The following ITPR1 variants were observed in gnomAD, a reference collection of about 807,000 sequenced individuals.
ITPR1 encodes inositol 1,4,5-trisphosphate-gated calcium channel ITPR1.
A neutral mutation model predicts 318.4 loss-of-function variants in ITPR1; 96 were observed. That is an observed-to-expected ratio of 0.30 (90% CI 0.26 to 0.36). ITPR1 has a LOEUF of 0.36. ITPR1 is among the 10% of genes least tolerant of loss of function. The pLI, the probability that ITPR1 is intolerant of heterozygous loss-of-function variation, is 1.00. For synonymous variants in ITPR1, 1,312 were observed against 1,289.9 expected, an observed-to-expected ratio of 1.02 and a Z score of -0.37; for missense variants, 2,440 against 3,460.2, an observed-to-expected ratio of 0.71 and a Z score of 7.40.
Position 4,669,658 on chromosome 3 carries a change from T to G in ITPR1, c.1891T>G (p.Leu631Val). 1 of 1,611,718 alleles carries G rather than the reference T, an allele frequency of 6.2e-7. No individual in the cohort carries two copies. Among genetic ancestry groups the G allele is most frequent in the Non-Finnish European group, 8.5e-7 (1 of 1,178,498 alleles). Residue 631 changes from leucine to valine, a missense_variant, in exon 19 of 62, where the codon TTA becomes GTA. By Grantham distance (32) the Leu-to-Val change is conservative (BLOSUM62 1). This residue lies in a region of ITPR1 where 478 missense variants were observed against 696.3 expected (regional missense o/e 0.69). Transcript: ENST00000649015. ...TTTGTTTCTGTTTCTGTTTAGATTC[T>G]TAGATTACCTCTCCGACCTCTGTGT... ...LVRKNREPRF[L>V]DYLSDLCVSM...
intron 60 of ITPR1, among the ~76,000 whole-genome samples, chr3:4,828,880 C>T (rs1170211427): frequency 6.6e-6 from 1 of 152,058 alleles, no homozygotes; most frequent in Admixed American, 6.5e-5. Flanking sequence ...TGATTTATGC[C>T]GTTTGGATAC....
At chr3:4,612,058 A>C (rs2092153961) in intron 4 of ITPR1, among the ~76,000 whole-genome samples, 1 of 123,734 alleles carries the variant, frequency 8.1e-6, no homozygotes, top group Non-Finnish European at 1.6e-5. Flanking sequence ...CAAGTGTATC[A>C]GGCCCTTTTT....
intron 2 of ITPR1, among the ~76,000 whole-genome samples, chr3:4,498,899 A>G (rs1231836668): frequency 1.3e-5 from 2 of 152,262 alleles, no homozygotes; most frequent in East Asian, 1.9e-4. Context: ...AGCATCCTTG[A>G]GGAATTAGAA....
chr3:4,663,681 A>C (rs1017469540), intron 16 of ITPR1, among the ~76,000 whole-genome samples: 1 of 152,208 alleles, frequency 6.6e-6, no homozygotes, highest in Non-Finnish European at 1.5e-5. Flanking sequence ...CATAGTTTAC[A>C]TTAGGGTTCT....
intron 10 of ITPR1, among the ~76,000 whole-genome samples, chr3:4,646,676 T>C (rs1191384018): frequency 2.0e-5 from 3 of 152,126 alleles, no homozygotes; most frequent in Non-Finnish European, 4.4e-5. Context: ...GCATGTAATT[T>C]GTTGTAAGGA....
chr3:4,829,656 G>A (rs1419471496), intron 60 of ITPR1, among the ~76,000 whole-genome samples: 1 of 152,040 alleles, frequency 6.6e-6, no homozygotes, highest in African/African-American at 2.4e-5. Context: ...TTGTATTATT[G>A]TGGCCTGTTT....
chr3:4,534,179 T>C (rs1377989745), intron 4 of ITPR1, among the ~76,000 whole-genome samples: 3 of 152,210 alleles, frequency 2.0e-5, no homozygotes, highest in South Asian at 2.1e-4. Context: ...TATTGTGTAG[T>C]GGTGAACTTT....
intron 32 of ITPR1, among the ~76,000 whole-genome samples, chr3:4,692,587 C>T (rs1203336392): frequency 1.3e-5 from 2 of 152,166 alleles, no homozygotes; most frequent in African/African-American, 4.8e-5. Context: ...TTTATTTTGA[C>T]TTCTGTGCCA....
At chr3:4,833,375 A>G (rs1050607282) in intron 60 of ITPR1, among the ~76,000 whole-genome samples, 1 of 152,226 alleles carries the variant, frequency 6.6e-6, no homozygotes, top group Non-Finnish European at 1.5e-5. Flanking sequence ...GGCCTCATTA[A>G]TGTGGACTCT....
chr3:4,563,078 G>A (rs899866434), intron 4 of ITPR1, among the ~76,000 whole-genome samples: 34 of 152,158 alleles, frequency 2.2e-4, no homozygotes, highest in Non-Finnish European at 4.7e-4. Context: ...GACACAGTAT[G>A]CTAGCATCAG....
At position 4,733,210 on chromosome 3, in the gene ITPR1, C is replaced by G. The variant is rs1255833218; in HGVS notation, c.5343C>G (p.Pro1781=). Residue 1781 remains proline, a synonymous_variant, in exon 43 of 62, where the codon CCC becomes CCG. Coordinates refer to ENST00000649015, the MANE Select transcript of ITPR1 (RefSeq NM_001378452.1). ...TGTCAGCAGGAGGACCCGGCAAGCCCGGGGGAGGAGGTACGCTTTGTGGTG... is the reference window on the plus strand; with the variant it reads ...TGTCAGCAGGAGGACCCGGCAAGCCGGGGGGAGGAGGTACGCTTTGTGGTG... ...GPLSAGGPGK[P]GGGGGGSGSS... 3 of 1,613,854 alleles carry G rather than the reference C, an allele frequency of 1.9e-6. No homozygotes were observed. The highest frequency in any genetic ancestry group is 1.7e-6 in the Non-Finnish European group (2 of 1,179,816).
chr3:4,739,774 T>G (rs2125327631), intron 44 of ITPR1, among the ~76,000 whole-genome samples: 1 of 152,328 alleles, frequency 6.6e-6, no homozygotes, highest in South Asian at 2.1e-4. Flanking sequence ...TTTTGCTCTG[T>G]GTGATCTTGG....
chr3:4,718,806 C>G (rs559655343), intron 40 of ITPR1, among the ~76,000 whole-genome samples: 17 of 152,336 alleles, frequency 1.1e-4, no homozygotes, highest in African/African-American at 4.1e-4. Context: ...TTGCCGTTTC[C>G]TGTTTAGCAT....
At chr3:4,542,231 T>C (rs893105231) in intron 4 of ITPR1, among the ~76,000 whole-genome samples, 2 of 152,226 alleles carry the variant, frequency 1.3e-5, no homozygotes, top group East Asian at 3.8e-4. Context: ...ACAGATCTTA[T>C]TCTATTTTCT....
intron 44 of ITPR1, among the ~76,000 whole-genome samples, chr3:4,763,978 C>A (rs555887037): frequency 1.6e-4 from 25 of 152,370 alleles, no homozygotes; most frequent in Admixed American, 3.3e-4. Context: ...GCTTTTAAAG[C>A]TGCTTCCATG....
At chr3:4,593,800 A>G (rs2090581514) in intron 4 of ITPR1, among the ~76,000 whole-genome samples, 1 of 152,250 alleles carries the variant, frequency 6.6e-6, no homozygotes, top group South Asian at 2.1e-4. Context: ...TCAAAGACAC[A>G]CAGGATATGG....
intron 4 of ITPR1, among the ~76,000 whole-genome samples, chr3:4,621,141 G>A (rs985722379): frequency 8.6e-5 from 13 of 152,036 alleles, no homozygotes; most frequent in Middle Eastern, 3.4e-3. Flanking sequence ...CTGTATTAGC[G>A]TAATGTTGTC....
chr3:4,805,506 G>C (rs890581838), intron 54 of ITPR1, among the ~76,000 whole-genome samples: 1 of 152,110 alleles, frequency 6.6e-6, no homozygotes, highest in African/African-American at 2.4e-5. Flanking sequence ...AGAGAGGAAT[G>C]GTCCCCAAAG....
chr3:4,627,975 A>T, intron 5 of ITPR1, 97 bp downstream of exon 5: 1 of 692,232 alleles, frequency 1.4e-6, no homozygotes, highest in Non-Finnish European at 2.4e-6. Flanking sequence ...GCAACCCTCC[A>T]ATTCTAGCAG....
Sources: gnomAD v4.1 joint callset for allele counts (sites outside exome capture counted in the v4.1 genomes callset) on GRCh38, gnomAD v4.1.1 for gene constraint, gnomAD v4.1.1 regional missense constraint, MANE v1.5 for transcripts, NCBI Gene and HGNC (gene_info 2026-07-23, HGNC 2026-07-21) for gene names.